LRRC37A2: variants seen among roughly 807,000 people sequenced by gnomAD.
The protein encoded by LRRC37A2 is leucine-rich repeat-containing protein 37A2.
Under a neutral mutation model 68.8 loss-of-function variants are expected in LRRC37A2, and 9 were observed. That is an observed-to-expected ratio of 0.13 (90% CI 0.08 to 0.23). The LOEUF is 0.23. Ranked by LOEUF, LRRC37A2 falls within the 10% of genes least tolerant of loss-of-function variation. LRRC37A2 has a pLI of 1.00. For missense variants in LRRC37A2, 168 were observed against 950.4 expected (o/e 0.18, Z 10.82); for synonymous variants, 63 against 367.6 (o/e 0.17, Z 9.48).
chr17:46,558,054 TTTTG>T (rs1194080462), downstream of LRRC37A2, among the ~76,000 whole-genome samples: 10 of 137,838 alleles, frequency 7.3e-5, no homozygotes, highest in South Asian at 2.2e-4. Flanking sequence ...AATTCAGGAG[TTTTG>T]TTTGTTTTTT....
chr17:46,932,284 G>A, the LRRC37A2 span: 2 of 1,528,504 alleles, frequency 1.3e-6, no homozygotes, highest in Admixed American at 3.3e-5. Context: ...CATCTGTTTT[G>A]GGGGTGTCTG....
chr17:47,018,494 C>T, the LRRC37A2 span: 1 of 1,524,208 alleles, frequency 6.6e-7, no homozygotes, highest in Non-Finnish European at 9.1e-7. Flanking sequence ...ATTCTTTAGT[C>T]CACCAGCAGG....
the LRRC37A2 span, among the ~76,000 whole-genome samples, chr17:46,970,076 T>C: frequency 6.6e-6 from 1 of 152,174 alleles, no homozygotes; most frequent in South Asian, 2.1e-4. Flanking sequence ...ATCCCCAGCA[T>C]AGAGTGGTGC....
At chr17:46,870,448 C>G in the LRRC37A2 span, among the ~76,000 whole-genome samples, 2 of 151,670 alleles carry the variant, frequency 1.3e-5, no homozygotes, top group Non-Finnish European at 2.9e-5. Flanking sequence ...TGGAAAATTA[C>G]CCATTTGCCC....
chr17:46,774,040 G>A, the LRRC37A2 span: 1 of 1,351,738 alleles, frequency 7.4e-7, no homozygotes, highest in South Asian at 1.3e-5. Flanking sequence ...ACCTGAATGT[G>A]CTACCTTTGA....
the LRRC37A2 span, chr17:46,938,602 AC>A: frequency 1.2e-6 from 2 of 1,612,648 alleles, no homozygotes; most frequent in Non-Finnish European, 1.7e-6. Flanking sequence ...GCCCCAGGGG[AC>A]TCAGAAGAAG....
chr17:46,938,549 T>C, the LRRC37A2 span: 2 of 1,612,116 alleles, frequency 1.2e-6, no homozygotes, highest in Non-Finnish European at 1.7e-6. Flanking sequence ...CACCCACTCT[T>C]GGTAAAGCGA....
chr17:46,782,100 T>C, the LRRC37A2 span, among the ~76,000 whole-genome samples: 149,448 of 152,324 alleles, frequency 0.98, 73,372 homozygotes, highest in East Asian at 1. Flanking sequence ...CCTCCTCCCT[T>C]CGGTCTCAGG....
the LRRC37A2 span, among the ~76,000 whole-genome samples, chr17:46,840,893 A>C: frequency 6.6e-6 from 1 of 152,194 alleles, no homozygotes; most frequent in South Asian, 2.1e-4. Flanking sequence ...GATTCTGGAT[A>C]TTAGCCCTTT....
At chr17:46,786,081 C>G in the LRRC37A2 span, among the ~76,000 whole-genome samples, 1 of 106,168 alleles carries the variant, frequency 9.4e-6, no homozygotes, top group East Asian at 3.1e-4. Context: ...CCCTTCATTT[C>G]ACAGGAAAGT....
At chr17:46,972,156 G>A in the LRRC37A2 span, among the ~76,000 whole-genome samples, 1 of 152,198 alleles carries the variant, frequency 6.6e-6, no homozygotes, top group Non-Finnish European at 1.5e-5. Flanking sequence ...GGCCCAGGCT[G>A]TGTGCTGACA....
chr17:46,975,891 TAAAGG>T, the LRRC37A2 span, among the ~76,000 whole-genome samples: 2 of 78,758 alleles, frequency 2.5e-5, no homozygotes, highest in East Asian at 8.5e-4. Flanking sequence ...AGAAGAAAGA[TAAAGG>T]AAGGAAGGAA....
the LRRC37A2 span, among the ~76,000 whole-genome samples, chr17:46,492,296 T>C: frequency 9.9e-5 from 15 of 151,036 alleles, no homozygotes; most frequent in Admixed American, 8.5e-4. Context: ...TTTTAATTTT[T>C]TAGTTTATAC....
the LRRC37A2 span, among the ~76,000 whole-genome samples, chr17:46,795,721 G>A: frequency 4.6e-5 from 7 of 152,296 alleles, no homozygotes; most frequent in East Asian, 3.9e-4. Flanking sequence ...CGATTCTGCC[G>A]CTGTGCAGTC....
the LRRC37A2 span, chr17:46,763,815 C>G: frequency 8.4e-6 from 1 of 118,888 alleles, no homozygotes; most frequent in African/African-American, 3.3e-5. Flanking sequence ...AGCCTATTTA[C>G]AAGGTCCACT....
chr17:46,966,858 G>C, the LRRC37A2 span: 1 of 409,362 alleles, frequency 2.4e-6, no homozygotes, highest in Non-Finnish European at 4.3e-6. Flanking sequence ...CATGTGAAGA[G>C]CCCTCTCTAA....
the LRRC37A2 span, among the ~76,000 whole-genome samples, chr17:46,842,369 T>A: frequency 1.3e-5 from 2 of 152,066 alleles, no homozygotes; most frequent in Non-Finnish European, 2.9e-5. Context: ...TAGCTTTAAA[T>A]CTTTATTTAT....
At chr17:46,719,128 G>T in the LRRC37A2 span, among the ~76,000 whole-genome samples, 2 of 152,122 alleles carry the variant, frequency 1.3e-5, no homozygotes, top group Admixed American at 1.3e-4. This position sits in a 1 kb window ranked among gnomAD's most constrained non-coding sequence, Gnocchi z 4.3. Flanking sequence ...GCAGAAGGTT[G>T]GCATTTAGTT....
chr17:46,878,465 G>A, the LRRC37A2 span, among the ~76,000 whole-genome samples: 2 of 152,318 alleles, frequency 1.3e-5, no homozygotes, highest in African/African-American at 2.4e-5. Context: ...GCAGAGGCCC[G>A]GCTGAGAAGC....
Sources: allele counts gnomAD v4.1 joint callset (sites outside exome capture counted in the v4.1 genomes callset), GRCh38; gene constraint gnomAD v4.1.1; non-coding constraint Gnocchi (gnomAD v3.1); transcripts MANE v1.5; gene names NCBI Gene and HGNC (gene_info 2026-07-23, HGNC 2026-07-21).